The following SOS1 variants were observed in gnomAD, a reference collection of about 807,000 sequenced individuals.
SOS1 encodes the protein SOS Ras/Rac guanine nucleotide exchange factor 1.
SOS1 carries 25 observed loss-of-function variants against 157.6 expected under a neutral mutation model. The ratio of observed to expected loss-of-function variants is 0.16; its 90% CI spans 0.12 to 0.22. The LOEUF is 0.22. Among genes scored for constraint, SOS1 ranks in the 10% least tolerant of loss-of-function variants. The pLI is 1.00. For synonymous variants in SOS1, 528 were observed against 534.0 expected, an observed-to-expected ratio of 0.99 and a Z score of 0.16; for missense variants, 1,237 against 1,599.1, an observed-to-expected ratio of 0.77 and a Z score of 3.86.
intron 1 of SOS1, among the ~76,000 whole-genome samples, chr2:39,114,887 C>T (rs533755597): frequency 6.6e-5 from 10 of 152,246 alleles, no homozygotes; most frequent in Admixed American, 5.2e-4. Flanking sequence ...TGTGAGCCAT[C>T]GCACACAGCC....
At chr2:38,995,045 A>C in intron 20 of SOS1, 78 bp downstream of exon 20, 2 of 1,260,804 alleles carry the variant, frequency 1.6e-6, no homozygotes, top group South Asian at 2.4e-5. Context: ...ATACAAAAAA[A>C]TAACAGAGAT....
At chr2:39,029,641 AAAAAC>A (rs1423664367) in intron 8 of SOS1, among the ~76,000 whole-genome samples, 2 of 152,156 alleles carry the variant, frequency 1.3e-5, no homozygotes, top group East Asian at 1.9e-4. Flanking sequence ...AAACAAAACA[AAAAAC>A]AAAACCCCAA....
chr2:39,002,316 A>C (rs1306905654), intron 17 of SOS1, among the ~76,000 whole-genome samples: 1 of 151,966 alleles, frequency 6.6e-6, no homozygotes, highest in Admixed American at 6.6e-5. Context: ...CAAAAGTGAA[A>C]CTGTCTTAAA....
intron 15 of SOS1, among the ~76,000 whole-genome samples, chr2:39,009,426 C>T (rs1362150845): frequency 2.6e-5 from 4 of 152,058 alleles, no homozygotes; most frequent in Non-Finnish European, 4.4e-5. Flanking sequence ...GATGGTAATT[C>T]GAATCCACAC....
chr2:39,090,033 G>A (rs1004632147), intron 1 of SOS1, among the ~76,000 whole-genome samples: 1 of 151,224 alleles, frequency 6.6e-6, no homozygotes, highest in Non-Finnish European at 1.5e-5. Context: ...CCAGCTACTT[G>A]GGAGGCTGAG....
chr2:39,031,309 G>C (rs780765655), intron 8 of SOS1, among the ~76,000 whole-genome samples: 3 of 152,120 alleles, frequency 2.0e-5, no homozygotes, highest in Non-Finnish European at 2.9e-5. Flanking sequence ...AAGTCATCCT[G>C]GATGGTTTTT....
intron 9 of SOS1, 84 bp from the exon 10 acceptor site, chr2:39,023,309 A>G: frequency 1.0e-6 from 1 of 994,256 alleles, no homozygotes; most frequent in Non-Finnish European, 1.5e-6. Flanking sequence ...GTAAAAGTAG[A>G]TTTTTACAAG....
rs1195506091 is a variant in SOS1, at chr2:39,061,031, C to G, written c.214-2227G>C. On this transcript the variant is annotated intron_variant, in intron 2 of 22. Coordinates refer to ENST00000402219, the MANE Select transcript of SOS1 (RefSeq NM_005633.4). ...AGAAAACAGAACAGCAACCCCTGTCCATATCAATTATGTCTACCTCATTCC... is the reference window on the plus strand; with the variant it reads ...AGAAAACAGAACAGCAACCCCTGTCGATATCAATTATGTCTACCTCATTCC... Among the ~76,000 whole-genome samples, 4 of 151,514 alleles carry G rather than the reference C, an allele frequency of 2.6e-5. No homozygotes were observed. In the East Asian group the frequency reaches 7.8e-4, roughly 29 times the overall value.
At chr2:39,030,258 AAAG>A (rs1670111779) in intron 8 of SOS1, among the ~76,000 whole-genome samples, 1 of 150,810 alleles carries the variant, frequency 6.6e-6, no homozygotes, top group Admixed American at 6.6e-5. Context: ...AAAAAAAAAA[AAAG>A]CGAAAGAGGG....
Position 39,120,589 on chromosome 2 carries a change from G to A in SOS1, c.-167C>T, listed in dbSNP as rs1673841669. 5.3e-6 allele frequency: 4 copies of A among 759,550 alleles called. No individual in the cohort carries two copies. The highest frequency in any genetic ancestry group is 6.5e-6 in the Non-Finnish European group (4 of 618,812). 47.1% of individuals were successfully genotyped at this position (759,550 alleles called of 1,614,324 possible). A position where few individuals can be genotyped will look rare whatever the true frequency, so the allele number is the denominator to read the frequency against. On this transcript the variant is annotated 5_prime_UTR_variant, in exon 1 of 23. Transcript: ENST00000402219. ...CTAGCCCTGGCGAGGGGGCTGGGGG[G>A]CGAGGCCCGCGCCTGGCCACCCACC...
rs1673233074 is a variant in SOS1 at position 39,107,360 on chromosome 2, ACAT to A, written c.87+12973_87+12975del. ...CATGGCAGGCCTGTTCCCGGGAGAC[ACAT>A]CATTTTTCCAACAGGCACCTTTCAC... On this transcript the variant is annotated intron_variant, in intron 1 of 22. Coordinates refer to ENST00000402219, the MANE Select transcript of SOS1 (RefSeq NM_005633.4). Among the ~76,000 whole-genome samples, 4 of 152,250 alleles carry A rather than the reference ACAT, an allele frequency of 2.6e-5. No individual in the cohort carries two copies. The South Asian group carries it at 8.3e-4, about 32-fold the overall frequency.
chr2:39,048,558 G>A (rs1670880161), intron 6 of SOS1, among the ~76,000 whole-genome samples: 1 of 151,866 alleles, frequency 6.6e-6, no homozygotes, highest in South Asian at 2.1e-4. Context: ...CCACCACCAT[G>A]CCTCGCTAAT....
At chr2:39,019,075 G>A (rs1669714836) in intron 10 of SOS1, among the ~76,000 whole-genome samples, 1 of 151,670 alleles carries the variant, frequency 6.6e-6, no homozygotes, top group Admixed American at 6.6e-5. Context: ...TCCCTATGAA[G>A]GTATAAAATA....
intron 1 of SOS1, among the ~76,000 whole-genome samples, chr2:39,074,538 G>A (rs554231245): frequency 6.6e-6 from 1 of 151,854 alleles, no homozygotes; most frequent in African/African-American, 2.4e-5. Flanking sequence ...ACAAATCAGA[G>A]CACTTACATC....
Position 39,029,524 on chromosome 2 carries a change from T to C in SOS1, c.1075-5387A>G, listed in dbSNP as rs967941876. ...CCAGAGTCCCAGCTACTCAGGAGGC[T>C]GAGGTAGGTGGATTAATTGAGCCTG... On this transcript the variant is annotated intron_variant, in intron 8 of 22. Transcript: ENST00000402219. Among the ~76,000 whole-genome samples the C allele has an allele frequency of 6.6e-5, 10 of 152,128 alleles. No individual in the cohort carries two copies. In the East Asian group the frequency reaches 1.7e-3, roughly 26 times the overall value.
At chr2:39,006,686 T>G (rs1669292310) in intron 16 of SOS1, among the ~76,000 whole-genome samples, 157 bp from the exon 17 acceptor site, 1 of 152,192 alleles carries the variant, frequency 6.6e-6, no homozygotes, top group Non-Finnish European at 1.5e-5. Context: ...ATTATCTTCA[T>G]AGACCTCAGT....
chr2:39,010,501 C>G, intron 15 of SOS1, 83 bp downstream of exon 15: 1 of 1,339,832 alleles, frequency 7.5e-7, no homozygotes. Flanking sequence ...AACTCCGTCT[C>G]AAAAAAAACA....
At chr2:38,987,383 CTT>C (rs929275863) in intron 22 of SOS1, 88 bp downstream of exon 22, 2 of 732,492 alleles carry the variant, frequency 2.7e-6, no homozygotes, top group African/African-American at 3.5e-5. Flanking sequence ...GAAATGTTAA[CTT>C]ATCCTAGTGA....
chr2:39,034,535 C>T (rs953258717), intron 8 of SOS1, among the ~76,000 whole-genome samples: 1 of 152,146 alleles, frequency 6.6e-6, no homozygotes, highest in African/African-American at 2.4e-5. Flanking sequence ...GAGAGAATAT[C>T]ACTTTGAGCT....
Sources: allele counts gnomAD v4.1 joint callset (sites outside exome capture counted in the v4.1 genomes callset), GRCh38; gene constraint gnomAD v4.1.1; transcripts MANE v1.5; gene names NCBI Gene and HGNC (gene_info 2026-07-23, HGNC 2026-07-21).